Variants in SKOR2 observed in about 807,000 individuals in gnomAD.
The protein encoded by SKOR2 is SKI family transcriptional corepressor 2, also known as LBX1 corepressor 1-like protein.
Under a neutral mutation model 69.1 loss-of-function variants are expected in SKOR2, and 47 were observed. That is an observed-to-expected ratio of 0.68 (90% CI 0.54 to 0.87). SKOR2 has a LOEUF of 0.87. SKOR2 is among the 40% of genes least tolerant of loss of function. The pLI is 0.00. For synonymous variants in SKOR2, 717 were observed against 672.6 expected, an observed-to-expected ratio of 1.07 and a Z score of -1.02; for missense variants, 1,404 against 1,472.2, an observed-to-expected ratio of 0.95 and a Z score of 0.76.
Position 47,248,320 on chromosome 18 carries a change from C to T in SKOR2, c.864G>A (p.Pro288=). 2 of 1,200,912 alleles carry T rather than the reference C, an allele frequency of 1.7e-6. No individual in the cohort carries two copies. Among genetic ancestry groups the T allele is most frequent in the Admixed American group, 4.5e-5 (1 of 22,246 alleles). 74.4% of individuals were successfully genotyped at this position (1,200,912 alleles called of 1,614,324 possible). A position where few individuals can be genotyped will look rare whatever the true frequency, so the allele number is the denominator to read the frequency against. Residue 288 remains proline, a synonymous_variant, in exon 2 of 9, where the codon CCG becomes CCA. Coordinates refer to ENST00000425639, the MANE Select transcript of SKOR2 (RefSeq NM_001278063.4). This position sits in a 1 kb window ranked among gnomAD's most constrained non-coding sequence, Gnocchi z 6.4. Reference sequence around the variant, plus strand: ...CTGCCAAGGGCGGCGGTGGCGGCGGCGGCGGCGGGGGCGCACCCAGCAGGT... The same window carrying T: ...CTGCCAAGGGCGGCGGTGGCGGCGGTGGCGGCGGGGGCGCACCCAGCAGGT... ...GPHLLGAPPP[P]PPPPPPLAEL...
chr18:47,224,203 G>A (rs1416795545), intron 6 of SKOR2, among the ~76,000 whole-genome samples: 2 of 152,062 alleles, frequency 1.3e-5, no homozygotes, highest in African/African-American at 4.8e-5. Flanking sequence ...CACCACGCCC[G>A]ACCATATTTT....
Position 47,230,454 on chromosome 18 carries a change from C to T in SKOR2, c.2917+5G>A. On this transcript the variant is annotated splice_donor_5th_base_variant and intron_variant, in intron 6 of 8. Transcript: ENST00000425639. The stretch of plus-strand genomic sequence containing the variant: ...AAATACAATGAAATAAAAGTGATTT[C>T]TTACTGAATACTGGGAAAGATGTGT... 2 of 1,385,188 alleles carry T rather than the reference C, an allele frequency of 1.4e-6. No homozygotes were observed. The highest frequency in any genetic ancestry group is 1.9e-6 in the Non-Finnish European group (2 of 1,069,266). 85.8% of individuals were successfully genotyped at this position (1,385,188 alleles called of 1,614,324 possible).
At chr18:47,226,871 ATT>A (rs2144491749) in intron 6 of SKOR2, among the ~76,000 whole-genome samples, 1 of 152,230 alleles carries the variant, frequency 6.6e-6, no homozygotes, top group Non-Finnish European at 1.5e-5. Context: ...AGATCAGGGA[ATT>A]TTCCTAAGGT....
chr18:47,248,963 T>C lies in SKOR2; in HGVS notation c.221A>G (p.Asn74Ser). ...GTTGTGGATCTCGTTGTAGCTGAAG[T>C]TCTTGAGCAGAGTGTTGGAGATCTG... ...LAQISNTLLK[N>S]FSYNEIHNRR... The change falls in exon 2 of 9, where the codon AAC (asparagine) becomes AGC (serine). Residue 74 changes from asparagine to serine, a missense_variant. Asn to Ser is a conservative substitution (Grantham distance 46). Coordinates refer to ENST00000425639, the MANE Select transcript of SKOR2 (RefSeq NM_001278063.4). This position sits in a 1 kb window ranked among gnomAD's most constrained non-coding sequence, Gnocchi z 6.4. 6.4e-7 allele frequency: 1 copy of C among 1,574,364 alleles called. No individual in the cohort carries two copies. The highest frequency in any genetic ancestry group is 8.6e-7 in the Non-Finnish European group (1 of 1,167,444).
At chr18:47,209,996 G>C (rs548430072) in intron 8 of SKOR2, among the ~76,000 whole-genome samples, 10 of 152,200 alleles carry the variant, frequency 6.6e-5, no homozygotes, top group African/African-American at 2.2e-4. Flanking sequence ...AGGATGGCTC[G>C]AGCCAGGGCA....
At chr18:47,240,814 C>G (rs2064245117) in intron 4 of SKOR2, among the ~76,000 whole-genome samples, 1 of 152,118 alleles carries the variant, frequency 6.6e-6, no homozygotes, top group South Asian at 2.1e-4. Context: ...TAGAGATTTT[C>G]TGGTTAACTA....
intron 4 of SKOR2, among the ~76,000 whole-genome samples, chr18:47,244,248 C>A (rs1039632133): frequency 7.9e-5 from 12 of 152,150 alleles, no homozygotes; most frequent in African/African-American, 2.9e-4. Context: ...GCAGACATTG[C>A]CTCAGGATAA....
chr18:47,225,601 A>G (rs1410068136), intron 6 of SKOR2, among the ~76,000 whole-genome samples: 1 of 152,146 alleles, frequency 6.6e-6, no homozygotes, highest in Non-Finnish European at 1.5e-5. Flanking sequence ...AGTGAAACAG[A>G]GGAGGAGTCA....
At chr18:47,251,137 G>A (rs2064310929) in intron 1 of SKOR2, among the ~76,000 whole-genome samples, 1 of 151,248 alleles carries the variant, frequency 6.6e-6, no homozygotes, top group African/African-American at 2.4e-5. Flanking sequence ...GGTGGGGAGG[G>A]GAGAAGAGAC....
chr18:47,220,098 TG>T, intron 6 of SKOR2, 88 bp from the exon 7 acceptor site: 1 of 1,072,150 alleles, frequency 9.3e-7, no homozygotes, highest in Non-Finnish European at 1.3e-6. Context: ...GACAGTCCCA[TG>T]GACAGCCCCC....
Position 47,246,978 on chromosome 18 carries a change from C to A in SKOR2, c.2206G>T (p.Asp736Tyr). 2.0e-6 allele frequency: 3 copies of A among 1,499,564 alleles called. No individual in the cohort carries two copies. Among genetic ancestry groups the A allele is most frequent in the Non-Finnish European group, 2.7e-6 (3 of 1,130,804 alleles). 92.9% of individuals were successfully genotyped at this position (1,499,564 alleles called of 1,614,324 possible). A position where few individuals can be genotyped will look rare whatever the true frequency, so the allele number is the denominator to read the frequency against. ...ACCTCCTGCTCTTCTTCCTCGTCGT[C>A]CTCGTCCTCGGAGCTGTCCTCGCTG... ...YPSEDSSEDE[D>Y]DEEEEQEVDV... The change falls in exon 2 of 9, where the codon GAC (aspartate) becomes TAC (tyrosine). Residue 736 changes from aspartate to tyrosine, a missense_variant. This residue lies in a region of SKOR2 where 1,266 missense variants were observed against 1,309.9 expected (regional missense o/e 0.97). Coordinates refer to ENST00000425639, the MANE Select transcript of SKOR2 (RefSeq NM_001278063.4).
At chr18:47,249,309 A>T in intron 1 of SKOR2, 79 bp from the exon 2 acceptor site, 1 of 1,250,396 alleles carries the variant, frequency 8.0e-7, no homozygotes, top group Non-Finnish European at 1.1e-6. Context: ...CTAACCAAAG[A>T]ATTAGAATAA....
chr18:47,229,776 G>A (rs1440690593), intron 6 of SKOR2, among the ~76,000 whole-genome samples: 1 of 152,196 alleles, frequency 6.6e-6, no homozygotes, highest in Non-Finnish European at 1.5e-5. Flanking sequence ...TTGTCCAGAT[G>A]TGACCCAGAC....
chr18:47,239,234 A>G (rs903924773), intron 4 of SKOR2, among the ~76,000 whole-genome samples: 2 of 152,192 alleles, frequency 1.3e-5, no homozygotes, highest in African/African-American at 4.8e-5. Context: ...AAGGTTAAAT[A>G]ATTTTCTCCT....
chr18:47,243,857 T>C (rs1484723698), intron 4 of SKOR2, among the ~76,000 whole-genome samples: 2 of 152,200 alleles, frequency 1.3e-5, no homozygotes, highest in African/African-American at 4.8e-5. Context: ...TGTAGACTTG[T>C]GGCCACTAAC....
chr18:47,246,750 G>A lies in SKOR2; in HGVS notation c.2434C>T (p.Leu812Phe). 1 of 1,407,320 alleles carries A rather than the reference G, an allele frequency of 7.1e-7. No homozygotes were observed. Among genetic ancestry groups the A allele is most frequent in the Non-Finnish European group, 9.2e-7 (1 of 1,091,188 alleles). 87.2% of individuals were successfully genotyped at this position (1,407,320 alleles called of 1,614,324 possible). A position where few individuals can be genotyped will look rare whatever the true frequency, so the allele number is the denominator to read the frequency against. ...AGCAGCCTGGAGGAGTTCAGGCCGA[G>A]CGGGAACGCGCCCGCGACGGCCGGC... ...RAPAVAGAFP[L>F]GLNSSRLLQE... The change falls in exon 2 of 9, where the codon CTC (leucine) becomes TTC (phenylalanine). Residue 812 changes from leucine (L) to phenylalanine (F), a missense_variant. Leu to Phe is a conservative substitution (Grantham distance 22). This residue lies in a region of SKOR2 where 1,266 missense variants were observed against 1,309.9 expected (regional missense o/e 0.97). Coordinates refer to ENST00000425639, the MANE Select transcript of SKOR2 (RefSeq NM_001278063.4).
chr18:47,234,543 G>A (rs1311230335), intron 4 of SKOR2: 1 of 152,252 alleles, frequency 6.6e-6, no homozygotes, highest in African/African-American at 2.4e-5. Flanking sequence ...CTGCCAAAGT[G>A]AGCAATGGAT....
intron 4 of SKOR2, among the ~76,000 whole-genome samples, chr18:47,241,349 T>C (rs1255169933): frequency 6.6e-6 from 1 of 152,326 alleles, no homozygotes; most frequent in Non-Finnish European, 1.5e-5. Context: ...CAAGCGCTCA[T>C]AATCTCTTTG....
chr18:47,227,653 A>G (rs2064183438), intron 6 of SKOR2, among the ~76,000 whole-genome samples: 2 of 152,188 alleles, frequency 1.3e-5, no homozygotes, highest in South Asian at 4.1e-4. Flanking sequence ...TTTGGACCCA[A>G]GTTTAGAAAT....
Sources: gnomAD v4.1 joint callset for allele counts (sites outside exome capture counted in the v4.1 genomes callset) on GRCh38, gnomAD v4.1.1 for gene constraint, gnomAD v4.1.1 regional missense constraint, Gnocchi (gnomAD v3.1) non-coding constraint, MANE v1.5 for transcripts, NCBI Gene and HGNC (gene_info 2026-07-23, HGNC 2026-07-21) for gene names.